TGFA: variants seen among roughly 807,000 people sequenced by gnomAD.
TGFA encodes transforming growth factor alpha.
TGFA carries 12 observed loss-of-function variants against 21.7 expected under a neutral mutation model. That is an observed-to-expected ratio of 0.55 (90% confidence interval 0.35 to 0.90). TGFA has a LOEUF of 0.90. Ranked by LOEUF, TGFA falls within the 40% of genes least tolerant of loss-of-function variation. The probability of loss-of-function intolerance (pLI) is 0.01; values close to 1 mark genes in which losing one functional copy is unlikely to be tolerated. For missense variants in TGFA, 178 were observed against 210.8 expected (o/e 0.84, Z 0.96); for synonymous variants, 79 against 88.1 (o/e 0.90, Z 0.58).
intron 2 of TGFA, among the ~76,000 whole-genome samples, chr2:70,499,833 G>T (rs1041218547): frequency 1.3e-4 from 20 of 152,276 alleles, no homozygotes; most frequent in African/African-American, 4.1e-4. Flanking sequence ...GGCGTTTAGG[G>T]AGAAACCCAG....
intron 2 of TGFA, among the ~76,000 whole-genome samples, chr2:70,489,947 G>A (rs1483610527): frequency 6.6e-6 from 1 of 152,092 alleles, no homozygotes; most frequent in Non-Finnish European, 1.5e-5. Context: ...TCTTCCACAC[G>A]CATTGCAGTC....
chr2:70,550,530 A>C (rs1673459407), intron 1 of TGFA, among the ~76,000 whole-genome samples: 1 of 152,102 alleles, frequency 6.6e-6, no homozygotes, highest in African/African-American at 2.4e-5. Flanking sequence ...TGTCTAAAAG[A>C]ACCTCCAGGG....
At position 70,447,322 on chromosome 2, in the gene TGFA, A is replaced by T. The variant is rs2103637258; in HGVS notation, c.*3537T>A. 6.5e-6 allele frequency: 1 copy of T among 152,804 alleles called. No individual in the cohort carries two copies. The highest frequency in any genetic ancestry group is 1.9e-4 in the East Asian group (1 of 5,190). The allele number at this position is 152,804 out of a possible 1,614,324, so 9.5% of individuals were successfully genotyped here. A position where few individuals can be genotyped will look rare whatever the true frequency, so the allele number is the denominator to read the frequency against. On this transcript the variant is annotated 3_prime_UTR_variant, in exon 6 of 6. Coordinates refer to ENST00000295400, the MANE Select transcript of TGFA (RefSeq NM_003236.4). Reference sequence around the variant, plus strand: ...GATTCATTCCTTCATCCTTCCAAATAAGGTACAGTACAACTCAATAACAAT... The same window carrying T: ...GATTCATTCCTTCATCCTTCCAAATTAGGTACAGTACAACTCAATAACAAT...
rs782818852 is a variant in TGFA, at chr2:70,465,703, T to A, written c.128A>T (p.His43Leu). 2 of 1,614,108 alleles carry A rather than the reference T, an allele frequency of 1.2e-6. No individual in the cohort carries two copies. The highest frequency in any genetic ancestry group is 3.3e-5 in the Admixed American group (2 of 60,012). Reference protein sequence around the residue: ...DPPVAAAVVSHFNDCPDSHTQ... With the variant: ...DPPVAAAVVSLFNDCPDSHTQ... ...GTGGGAATCTGGGCAGTCATTAAAATGGGACACCACTGCTGCAGCCACGGG... is the reference window on the plus strand; with the variant it reads ...GTGGGAATCTGGGCAGTCATTAAAAAGGGACACCACTGCTGCAGCCACGGG... The change falls in exon 3 of 6, where the codon CAT (histidine) becomes CTT (leucine). Residue 43 changes from histidine (H) to leucine (L), a missense_variant. His to Leu is a moderately conservative substitution (Grantham distance 99). Transcript: ENST00000295400.
At chr2:70,471,090 C>T (rs369437604) in intron 2 of TGFA, among the ~76,000 whole-genome samples, 5 of 151,176 alleles carry the variant, frequency 3.3e-5, no homozygotes, top group East Asian at 1.9e-4. Context: ...TATTCTGTTA[C>T]GTGCATTCTC....
At chr2:70,503,223 A>G (rs538032650) in intron 2 of TGFA, among the ~76,000 whole-genome samples, 10 of 152,300 alleles carry the variant, frequency 6.6e-5, no homozygotes, top group African/African-American at 2.4e-4. Context: ...GCACATATAC[A>G]CCATGGAACA....
At chr2:70,537,732 G>A (rs1319394151) in intron 1 of TGFA, among the ~76,000 whole-genome samples, 1 of 152,204 alleles carries the variant, frequency 6.6e-6, no homozygotes, top group Non-Finnish European at 1.5e-5. Flanking sequence ...TGGTTCAAGA[G>A]GTTTAAGGAA....
intron 3 of TGFA, among the ~76,000 whole-genome samples, chr2:70,458,437 T>C (rs1402339991): frequency 6.6e-6 from 1 of 152,084 alleles, no homozygotes; most frequent in Non-Finnish European, 1.5e-5. Flanking sequence ...AATCCACCCC[T>C]GTACTTTATC....
At chr2:70,507,816 GCCCTGATTTACCTAA>G (rs1167007033) in intron 2 of TGFA, among the ~76,000 whole-genome samples, 3 of 152,166 alleles carry the variant, frequency 2.0e-5, no homozygotes, top group Non-Finnish European at 4.4e-5. Context: ...TTAAACCAAG[GCCCTGATTTACCTAA>G]CCCCATACTC....
At chr2:70,542,382 T>A (rs1673159102) in intron 1 of TGFA, among the ~76,000 whole-genome samples, 1 of 152,150 alleles carries the variant, frequency 6.6e-6, no homozygotes, top group Non-Finnish European at 1.5e-5. Context: ...AAGGTATATC[T>A]ATCCTCTCAG....
At chr2:70,503,423 G>A (rs1221720533) in intron 2 of TGFA, among the ~76,000 whole-genome samples, 1 of 145,106 alleles carries the variant, frequency 6.9e-6, no homozygotes, top group African/African-American at 2.6e-5. Flanking sequence ...GGGGCCTGTT[G>A]TGAGGTGGGG....
intron 2 of TGFA, among the ~76,000 whole-genome samples, chr2:70,504,461 T>TATATATATATATATATATAC (rs1490288034): frequency 3.1e-5 from 2 of 65,164 alleles, no homozygotes; most frequent in African/African-American, 1.0e-4. Context: ...TATATATATA[T>TATATATATATATATATATAC]ATACACACAT....
chr2:70,528,331 G>A (rs532733143), intron 1 of TGFA, among the ~76,000 whole-genome samples: 1 of 152,310 alleles, frequency 6.6e-6, no homozygotes, highest in African/African-American at 2.4e-5. Flanking sequence ...GGCTCCCAGG[G>A]AGAAGCAATG....
intron 1 of TGFA, among the ~76,000 whole-genome samples, chr2:70,535,945 C>G (rs1477237504): frequency 2.6e-5 from 4 of 152,092 alleles, no homozygotes; most frequent in Non-Finnish European, 5.9e-5. Context: ...TTATCTTGAC[C>G]CTAGTAGAAT....
At chr2:70,472,985 G>A (rs1191112805) in intron 2 of TGFA, among the ~76,000 whole-genome samples, 2 of 152,220 alleles carry the variant, frequency 1.3e-5, no homozygotes, top group Non-Finnish European at 2.9e-5. Context: ...CTTTTTGGAT[G>A]TCTAGGAGAA....
chr2:70,462,527 C>T (rs868976713), intron 3 of TGFA, among the ~76,000 whole-genome samples: 9 of 152,128 alleles, frequency 5.9e-5, no homozygotes, highest in Non-Finnish European at 1.0e-4. Context: ...GGCTGGAGAG[C>T]GCGAGCCCTA....
At chr2:70,545,694 A>G (rs1673281735) in intron 1 of TGFA, among the ~76,000 whole-genome samples, 1 of 152,214 alleles carries the variant, frequency 6.6e-6, no homozygotes, top group Non-Finnish European at 1.5e-5. Context: ...GGAATAAGAA[A>G]AGGTTTTCCT....
In TGFA at chr2:70,456,278, C is replaced by T. The variant is rs543499361; in HGVS notation, c.365+61G>A. 529 of 1,507,850 alleles carry T rather than the reference C, an allele frequency of 3.5e-4. 8 individuals carry two copies. In the South Asian group the frequency reaches 5.9e-3, roughly 17 times the overall value. The allele number at this position is 1,507,850 out of a possible 1,614,324, so 93.4% of individuals were successfully genotyped here. ...GTGGCCCTGTTATCTGGATATACTG[C>T]GGATGTCCCTGGTAGGGGAGGTGGG... On this transcript the variant is annotated intron_variant, in intron 4 of 5. Transcript: ENST00000295400.
Position 70,499,076 on chromosome 2 carries a change from A to G in TGFA, c.94+15783T>C, listed in dbSNP as rs940335792. Among the ~76,000 whole-genome samples, 11 of 152,244 alleles carry G rather than the reference A, an allele frequency of 7.2e-5. No individual in the cohort carries two copies. The East Asian group carries it at 2.1e-3, about 29-fold the overall frequency. On this transcript the variant is annotated intron_variant, in intron 2 of 5. Coordinates refer to ENST00000295400, the MANE Select transcript of TGFA (RefSeq NM_003236.4). ...TAGTTGAGAACTCTAGTTCTACTCA[A>G]TGGTCCTCAAACTTACAGTGAATAT...
Sources: allele counts gnomAD v4.1 joint callset (sites outside exome capture counted in the v4.1 genomes callset), GRCh38; gene constraint gnomAD v4.1.1; transcripts MANE v1.5; gene names NCBI Gene and HGNC (gene_info 2026-07-23, HGNC 2026-07-21).